The following CSMD1 variants were observed in gnomAD, a reference collection of about 807,000 sequenced individuals.
CSMD1 encodes CUB and Sushi multiple domains 1, also known as CUB and sushi domain-containing protein 1.
Under a neutral mutation model 417.5 loss-of-function variants are expected in CSMD1, and 213 were observed. The ratio of observed to expected loss-of-function variants is 0.51; its 90% CI spans 0.46 to 0.57. CSMD1 has a LOEUF of 0.57. Among genes scored for constraint, CSMD1 ranks in the 20% least tolerant of loss-of-function variants. The pLI is 0.00. For synonymous variants in CSMD1, 2,862 were observed against 1,736.8 expected, an observed-to-expected ratio of 1.65 and a Z score of -16.11; for missense variants, 6,923 against 4,529.7, an observed-to-expected ratio of 1.53 and a Z score of -15.17.
intron 1 of CSMD1, among the ~76,000 whole-genome samples, chr8:4,738,755 C>G (rs535210306): frequency 6.6e-6 from 1 of 152,056 alleles, no homozygotes; most frequent in Non-Finnish European, 1.5e-5. Context: ...GTATGCATTT[C>G]TGAATACAGG....
At chr8:3,497,159 C>T (rs912769096) in intron 10 of CSMD1, among the ~76,000 whole-genome samples, 4 of 152,080 alleles carry the variant, frequency 2.6e-5, no homozygotes, top group African/African-American at 7.2e-5. Context: ...CCGTTAGGTC[C>T]ATTTGGTCTA....
intron 25 of CSMD1, among the ~76,000 whole-genome samples, chr8:3,292,134 G>C (rs1417153750): frequency 6.6e-6 from 1 of 152,178 alleles, no homozygotes; most frequent in Non-Finnish European, 1.5e-5. Context: ...TAGTTGAGCA[G>C]TGTTGAATGA....
intron 23 of CSMD1, among the ~76,000 whole-genome samples, chr8:3,334,815 C>G (rs1563283178): frequency 6.6e-6 from 1 of 151,964 alleles, no homozygotes; most frequent in Admixed American, 6.5e-5. Flanking sequence ...GTTCTTTAAA[C>G]TGAGTATGAC....
chr8:4,466,897 G>C (rs1165790525), intron 2 of CSMD1, among the ~76,000 whole-genome samples: 2 of 151,764 alleles, frequency 1.3e-5, no homozygotes, highest in Non-Finnish European at 2.9e-5. Flanking sequence ...TAATTATATT[G>C]AAATTTTACA....
intron 8 of CSMD1, among the ~76,000 whole-genome samples, chr8:3,615,705 C>T (rs1384888690): frequency 2.0e-5 from 3 of 152,138 alleles, no homozygotes; most frequent in Non-Finnish European, 2.9e-5. Context: ...AGTAGCAGTA[C>T]TTTTCTTCCA....
Position 3,759,845 on chromosome 8 carries a change from T to C in CSMD1, c.819-5803A>G, listed in dbSNP as rs546429013. Among the ~76,000 whole-genome samples, 9 of 146,584 alleles carry C rather than the reference T, an allele frequency of 6.1e-5. No individual in the cohort carries two copies. The South Asian group carries it at 2.0e-3, about 32-fold the overall frequency. ...ATTGTTTGAACCTGAGAGGCAGAGGTTGCAGTGACCCGGAGATTGCACTGT... is the reference window on the plus strand; with the variant it reads ...ATTGTTTGAACCTGAGAGGCAGAGGCTGCAGTGACCCGGAGATTGCACTGT... On this transcript the variant is annotated intron_variant, in intron 5 of 69. Transcript: ENST00000635120.
intron 3 of CSMD1, among the ~76,000 whole-genome samples, chr8:4,193,035 T>G (rs140597321): frequency 6.6e-6 from 1 of 152,350 alleles, no homozygotes; most frequent in African/African-American, 2.4e-5. Flanking sequence ...TGGAATATCT[T>G]AAGTTAATGT....
intron 3 of CSMD1, among the ~76,000 whole-genome samples, chr8:4,409,809 G>C (rs748277942): frequency 7.2e-5 from 11 of 151,950 alleles, no homozygotes; most frequent in African/African-American, 1.2e-4. Context: ...TAACAATACC[G>C]TACTTTTAGT....
At chr8:3,618,588 C>G (rs1387538925) in intron 7 of CSMD1, among the ~76,000 whole-genome samples, 8 of 151,834 alleles carry the variant, frequency 5.3e-5, no homozygotes, top group African/African-American at 7.3e-5. Context: ...AATAATCCAG[C>G]AAGTTTGGTG....
intron 33 of CSMD1, among the ~76,000 whole-genome samples, chr8:3,193,262 C>T (rs760583926): frequency 3.3e-5 from 5 of 152,144 alleles, no homozygotes; most frequent in Non-Finnish European, 7.4e-5. Context: ...TAACTTTCTT[C>T]ATGAATTTCA....
chr8:2,993,247 T>C (rs563330767), intron 54 of CSMD1, among the ~76,000 whole-genome samples: 15 of 152,346 alleles, frequency 9.8e-5, no homozygotes, highest in Admixed American at 9.2e-4. Context: ...TCCTTTTAAA[T>C]TGGAGACACT....
At chr8:2,985,189 T>C (rs1401890365) in intron 54 of CSMD1, among the ~76,000 whole-genome samples, 8 of 152,234 alleles carry the variant, frequency 5.3e-5, no homozygotes, top group Non-Finnish European at 1.2e-4. Flanking sequence ...GTAAGCAGAC[T>C]GGAAATATAC....
At chr8:4,038,961 G>GGCTA (rs1797752285) in intron 3 of CSMD1, among the ~76,000 whole-genome samples, 1 of 152,092 alleles carries the variant, frequency 6.6e-6, no homozygotes, top group South Asian at 2.1e-4. Context: ...GACTTAATTG[G>GGCTA]GCTATCACAT....
At chr8:3,898,973 C>G (rs1807546990) in intron 5 of CSMD1, among the ~76,000 whole-genome samples, 1 of 152,032 alleles carries the variant, frequency 6.6e-6, no homozygotes, top group South Asian at 2.1e-4. Flanking sequence ...ACAAATGGGA[C>G]CATACAGTAC....
chr8:4,731,407 T>C (rs1809858029), intron 1 of CSMD1, among the ~76,000 whole-genome samples: 1 of 152,198 alleles, frequency 6.6e-6, no homozygotes, highest in Non-Finnish European at 1.5e-5. Context: ...GTACTTTTCA[T>C]ATTTTTCCGT....
At chr8:3,605,081 G>C (rs1176725772) in intron 8 of CSMD1, among the ~76,000 whole-genome samples, 2 of 152,122 alleles carry the variant, frequency 1.3e-5, no homozygotes, top group African/African-American at 2.4e-5. Flanking sequence ...TGCAACCTCA[G>C]CCTCCCAGGT....
At chr8:3,850,850 T>G (rs910674279) in intron 5 of CSMD1, among the ~76,000 whole-genome samples, 9 of 152,152 alleles carry the variant, frequency 5.9e-5, no homozygotes, top group African/African-American at 2.2e-4. Context: ...TGATAGATAC[T>G]CTACAGACTC....
intron 3 of CSMD1, among the ~76,000 whole-genome samples, chr8:4,320,415 T>C (rs1438115780): frequency 1.3e-5 from 2 of 152,156 alleles, no homozygotes; most frequent in Non-Finnish European, 1.5e-5. Context: ...ATGTGCAGGT[T>C]TGTGACATAG....
chr8:3,614,819 A>C (rs1262910755), intron 8 of CSMD1, among the ~76,000 whole-genome samples: 1 of 152,192 alleles, frequency 6.6e-6, no homozygotes, highest in Non-Finnish European at 1.5e-5. Flanking sequence ...TCCATTCTGG[A>C]GACGCTTAAG....
Sources: gnomAD v4.1 joint callset for allele counts (sites outside exome capture counted in the v4.1 genomes callset) on GRCh38, gnomAD v4.1.1 for gene constraint, MANE v1.5 for transcripts, NCBI Gene and HGNC (gene_info 2026-07-23, HGNC 2026-07-21) for gene names.